Variants in TBXAS1 observed in about 807,000 individuals in gnomAD.
TBXAS1 encodes the protein thromboxane A synthase 1.
TBXAS1 carries 48 observed loss-of-function variants against 60.7 expected under a neutral mutation model. The observed-to-expected ratio is 0.79, with a 90% CI of 0.63 to 1.01. TBXAS1 has a LOEUF of 1.01. Ranked by LOEUF, TBXAS1 falls within the 50% of genes least tolerant of loss-of-function variation. TBXAS1 has a pLI of 0.00. For synonymous variants in TBXAS1, 287 were observed against 269.7 expected, an observed-to-expected ratio of 1.06 and a Z score of -0.63; for missense variants, 685 against 686.3, an observed-to-expected ratio of 1.00 and a Z score of 0.02.
intron 3 of TBXAS1, among the ~76,000 whole-genome samples, chr7:139,890,104 G>A (rs958021706): frequency 2.0e-5 from 3 of 151,756 alleles, no homozygotes; most frequent in Non-Finnish European, 2.9e-5. Flanking sequence ...GTTACATGGG[G>A]AATAGCAAAA....
intron 1 of TBXAS1, among the ~76,000 whole-genome samples, chr7:139,871,556 G>A (rs1020089247): frequency 6.6e-6 from 1 of 152,260 alleles, no homozygotes; most frequent in Non-Finnish European, 1.5e-5. Flanking sequence ...TCAGACTGCC[G>A]CTTTCTCCTG....
rs192248355 is a variant in TBXAS1 at position 139,806,020 on chromosome 7, C to T, written c.-80+18594C>T. 3.1e-3 allele frequency among the ~76,000 whole-genome samples: 467 copies of T among 149,874 alleles called. 7 individuals carry two copies. Among genetic ancestry groups the T allele is most frequent in the East Asian group, 7.1e-3 (36 of 5,098 alleles). On this transcript the variant is annotated intron_variant, in intron 4 of 16. Coordinates refer to the TBXAS1 transcript ENST00000336425. Reference sequence around the variant, plus strand: ...CGCTCTCTTGGCTCACTGCAAGCTCCGCCTCCTGGGTTCACACCATTCTCC... The same window carrying T: ...CGCTCTCTTGGCTCACTGCAAGCTCTGCCTCCTGGGTTCACACCATTCTCC...
chr7:139,972,828 T>C (rs1811307076), intron 9 of TBXAS1, among the ~76,000 whole-genome samples: 1 of 152,132 alleles, frequency 6.6e-6, no homozygotes, highest in Admixed American at 6.5e-5. Context: ...GCTGGGTACC[T>C]TGGTAGGTCC....
chr7:139,985,268 C>G (rs1379408969), intron 9 of TBXAS1, among the ~76,000 whole-genome samples: 1 of 152,224 alleles, frequency 6.6e-6, no homozygotes, highest in African/African-American at 2.4e-5. Context: ...GCAGCTTTTC[C>G]TGATGTGGCA....
Position 139,934,227 on chromosome 7 carries a change from C to T in TBXAS1, c.334-1964C>T, listed in dbSNP as rs184517563. Among the ~76,000 whole-genome samples, 37 of 151,636 alleles carry T rather than the reference C, an allele frequency of 2.4e-4. No individual in the cohort carries two copies. In the East Asian group the frequency reaches 6.8e-3, roughly 28 times the overall value. ...TTTTGAGATGAAGTTTCATTCTTGT[C>T]CCCCAGGCTGGAGTGCAGTTGTGTG... On this transcript the variant is annotated intron_variant, in intron 4 of 12. Coordinates refer to ENST00000448866, the MANE Select transcript of TBXAS1 (RefSeq NM_001061.7).
intron 10 of TBXAS1, among the ~76,000 whole-genome samples, chr7:140,012,708 C>G (rs1350140690): frequency 6.6e-6 from 1 of 152,158 alleles, no homozygotes; most frequent in East Asian, 1.9e-4. Flanking sequence ...ATCCACACAC[C>G]TCTGCCTCCC....
At chr7:139,836,080 AAAT>A (rs1799041823) in intron 1 of TBXAS1, among the ~76,000 whole-genome samples, 3 of 144,356 alleles carry the variant, frequency 2.1e-5, no homozygotes, top group Non-Finnish European at 4.6e-5. Context: ...ATAAATAAAT[AAAT>A]AAAATACTTA....
intron 9 of TBXAS1, among the ~76,000 whole-genome samples, chr7:139,990,432 G>A (rs1035886773): frequency 7.2e-5 from 11 of 152,180 alleles, no homozygotes; most frequent in Non-Finnish European, 1.3e-4. Context: ...CCTCAGGAGT[G>A]TGGAGTTCAG....
intron 3 of TBXAS1, chr7:139,906,078 T>C: frequency 2.4e-6 from 1 of 414,808 alleles, no homozygotes; most frequent in South Asian, 1.7e-5. Context: ...ATCTTTTTTT[T>C]TTTTTCTCAC....
At chr7:139,915,662 A>G (rs1569513141) in intron 4 of TBXAS1, among the ~76,000 whole-genome samples, 1 of 152,218 alleles carries the variant, frequency 6.6e-6, no homozygotes, top group African/African-American at 2.4e-5. Context: ...AGCCGTAAGC[A>G]TCCCATGAGG....
At chr7:139,900,586 A>G (rs1804487395) in intron 3 of TBXAS1, among the ~76,000 whole-genome samples, 1 of 152,212 alleles carries the variant, frequency 6.6e-6, no homozygotes, top group South Asian at 2.1e-4. Context: ...ATTATGGGAA[A>G]CCCAACACAA....
chr7:139,980,283 C>G (rs1811871673), intron 9 of TBXAS1, among the ~76,000 whole-genome samples: 1 of 152,052 alleles, frequency 6.6e-6, no homozygotes, highest in Non-Finnish European at 1.5e-5. Context: ...TCACCCCTAC[C>G]TCCACATCTT....
intron 3 of TBXAS1, among the ~76,000 whole-genome samples, chr7:139,905,597 C>A (rs1228021853): frequency 6.6e-6 from 1 of 152,064 alleles, no homozygotes; most frequent in African/African-American, 2.4e-5. Context: ...TGCATCCTTT[C>A]CTGGTTTTGG....
In TBXAS1 at chr7:139,806,820, G is replaced by A. The variant is rs73475997; in HGVS notation, c.-80+19394G>A. 9.6e-3 allele frequency among the ~76,000 whole-genome samples: 1,455 copies of A among 152,012 alleles called. 18 individuals are homozygous for A. The highest frequency in any genetic ancestry group is 0.032 in the African/African-American group (1,336 of 41,456). On this transcript the variant is annotated intron_variant, in intron 4 of 16. Coordinates refer to the TBXAS1 transcript ENST00000336425. Reference sequence around the variant, plus strand: ...TTCTCAGTTGTTCTTTTCTGTCTCCGCCCTCCTTGGTGACCTCACACACTC... The same window carrying A: ...TTCTCAGTTGTTCTTTTCTGTCTCCACCCTCCTTGGTGACCTCACACACTC...
chr7:139,910,259 T>C (rs761035544), intron 3 of TBXAS1, among the ~76,000 whole-genome samples: 10 of 152,222 alleles, frequency 6.6e-5, no homozygotes, highest in Non-Finnish European at 1.3e-4. Context: ...GACATGTGTT[T>C]ACGCACTATC....
At chr7:139,986,259 C>G (rs1812450884) in intron 9 of TBXAS1, among the ~76,000 whole-genome samples, 1 of 152,158 alleles carries the variant, frequency 6.6e-6, no homozygotes, top group Admixed American at 6.5e-5. Context: ...TCCCCATTTT[C>G]CTGGGTGAGA....
rs1273328272 is a variant in TBXAS1 at position 139,913,279 on chromosome 7, T to C, written c.333+1958T>C. The C allele has an allele frequency of 6.5e-6, 4 of 618,626 alleles. No homozygotes were observed. In the South Asian group the frequency reaches 7.1e-5, roughly 11 times the overall value. 38.3% of individuals were successfully genotyped at this position (618,626 alleles called of 1,614,324 possible). A position where few individuals can be genotyped will look rare whatever the true frequency, so the allele number is the denominator to read the frequency against. On this transcript the variant is annotated intron_variant, in intron 4 of 12. Transcript: ENST00000448866. ...CCCTGGAAGCCGTCTGTCAAGAAAC[T>C]GATTCTGATTATTAAATGCAGCTGT...
intron 8 of TBXAS1, among the ~76,000 whole-genome samples, chr7:139,958,640 A>C (rs755836678): frequency 1.3e-5 from 2 of 152,218 alleles, no homozygotes; most frequent in Non-Finnish European, 2.9e-5. Flanking sequence ...CCTGAAATGA[A>C]ATCAGGGGTC....
intron 4 of TBXAS1, among the ~76,000 whole-genome samples, chr7:139,796,545 G>C (rs1444991046): frequency 6.6e-6 from 1 of 152,180 alleles, no homozygotes; most frequent in Admixed American, 6.5e-5. Context: ...TATCCTGTCT[G>C]GTACTGCAAT....
Sources: gnomAD v4.1 joint callset for allele counts (sites outside exome capture counted in the v4.1 genomes callset) on GRCh38, gnomAD v4.1.1 for gene constraint, MANE v1.5 for transcripts, NCBI Gene and HGNC (gene_info 2026-07-23, HGNC 2026-07-21) for gene names.